The following HS6ST3 variants were observed in gnomAD, a reference collection of about 807,000 sequenced individuals.
HS6ST3 encodes the protein heparan sulfate 6-O-sulfotransferase 3.
In HS6ST3, 12 loss-of-function variants were observed where a neutral mutation model predicts 36.7. The ratio of observed to expected loss-of-function variants is 0.33; its 90% CI spans 0.21 to 0.53. HS6ST3 has a LOEUF of 0.53. Ranked by LOEUF, HS6ST3 falls within the 20% of genes least tolerant of loss-of-function variation. HS6ST3 has a pLI of 0.95. For missense variants in HS6ST3, 584 were observed against 640.9 expected, an observed-to-expected ratio of 0.91 and a Z score of 0.96; for synonymous variants, 240 against 257.5, an observed-to-expected ratio of 0.93 and a Z score of 0.65.
rs140196865 is a variant in HS6ST3, at chr13:96,619,851, GGTTGACA to G, written c.708-212634_708-212628del. ...CTTCCTTTTTGGGTAGGTTGGACAA[GGTTGACA>G]GTTGGCAGGCCCCAGCAACATATCA... On this transcript the variant is annotated intron_variant, in intron 1 of 1. Transcript: ENST00000376705. Among the ~76,000 whole-genome samples the G allele has an allele frequency of 2.8e-3, 421 of 152,276 alleles. 4 individuals carry two copies. The highest frequency in any genetic ancestry group is 9.5e-3 in the African/African-American group (394 of 41,560).
intron 1 of HS6ST3, among the ~76,000 whole-genome samples, chr13:96,176,494 G>A (rs2054213179): frequency 6.6e-6 from 1 of 151,856 alleles, no homozygotes; most frequent in Non-Finnish European, 1.5e-5. Context: ...CCAGACCTTA[G>A]GTACCTTGTA....
In HS6ST3 at chr13:96,611,099, CT is replaced by C. The variant is rs997125706; in HGVS notation, c.708-221384del. 4.0e-5 allele frequency among the ~76,000 whole-genome samples: 6 copies of C among 149,694 alleles called. No homozygotes were observed. In the East Asian group the frequency reaches 7.8e-4, roughly 19 times the overall value. ...TTTTTCCTTTTGTTTTCTTTATTTTCTTTTTTTATTTTTATTTTTTATTTTT... is the reference window on the plus strand; with the variant it reads ...TTTTTCCTTTTGTTTTCTTTATTTTCTTTTTTATTTTTATTTTTTATTTTT... On this transcript the variant is annotated intron_variant, in intron 1 of 1. Coordinates refer to ENST00000376705, the MANE Select transcript of HS6ST3 (RefSeq NM_153456.4).
intron 1 of HS6ST3, among the ~76,000 whole-genome samples, chr13:96,200,330 CT>C: frequency 6.6e-6 from 1 of 152,186 alleles, no homozygotes; most frequent in Non-Finnish European, 1.5e-5. Flanking sequence ...TCACTCTCCC[CT>C]ACTTTCTTGA....
chr13:96,351,132 C>G (rs1925110), intron 1 of HS6ST3, among the ~76,000 whole-genome samples: 1 of 151,630 alleles, frequency 6.6e-6, no homozygotes, highest in Non-Finnish European at 1.5e-5. Flanking sequence ...TTAAAGGTCA[C>G]GTAGCATTAA....
At chr13:96,233,141 G>A (rs1443563829) in intron 1 of HS6ST3, among the ~76,000 whole-genome samples, 2 of 151,924 alleles carry the variant, frequency 1.3e-5, no homozygotes, top group Non-Finnish European at 2.9e-5. Context: ...ATTGTAGTGT[G>A]GAAATATTTC....
chr13:96,457,897 T>C (rs2055761999), intron 1 of HS6ST3, among the ~76,000 whole-genome samples: 1 of 152,150 alleles, frequency 6.6e-6, no homozygotes, highest in African/African-American at 2.4e-5. Flanking sequence ...ACCTGTTTCA[T>C]TGAGTTTTTT....
intron 1 of HS6ST3, among the ~76,000 whole-genome samples, chr13:96,164,937 C>A (rs1323146883): frequency 6.6e-6 from 1 of 152,008 alleles, no homozygotes; most frequent in East Asian, 1.9e-4. Flanking sequence ...ATTTCATATT[C>A]TTTCTTTCTG....
At chr13:96,250,395 C>A (rs560669763) in intron 1 of HS6ST3, among the ~76,000 whole-genome samples, 1 of 152,278 alleles carries the variant, frequency 6.6e-6, no homozygotes, top group Admixed American at 6.5e-5. Flanking sequence ...GATGACATCA[C>A]CCTGCATTAC....
At chr13:96,694,758 G>T (rs1006816767) in intron 1 of HS6ST3, among the ~76,000 whole-genome samples, 1 of 151,990 alleles carries the variant, frequency 6.6e-6, no homozygotes, top group African/African-American at 2.4e-5. Context: ...GTATCTCATT[G>T]TGGCTTTGAT....
At chr13:96,725,215 T>C (rs1286209420) in intron 1 of HS6ST3, among the ~76,000 whole-genome samples, 1 of 152,198 alleles carries the variant, frequency 6.6e-6, no homozygotes, top group Non-Finnish European at 1.5e-5. Context: ...ATTTTTATTG[T>C]TTTTCATTTT....
chr13:96,291,571 TA>T (rs889745088), intron 1 of HS6ST3, among the ~76,000 whole-genome samples: 2 of 152,180 alleles, frequency 1.3e-5, no homozygotes, highest in African/African-American at 4.8e-5. Context: ...TTGATTTTAA[TA>T]AAAAACATGG....
intron 1 of HS6ST3, among the ~76,000 whole-genome samples, chr13:96,534,826 G>C (rs951179930): frequency 2.0e-5 from 3 of 152,188 alleles, no homozygotes; most frequent in African/African-American, 7.2e-5. Context: ...AGGCATGGTG[G>C]TGTGTGCCTA....
intron 1 of HS6ST3, among the ~76,000 whole-genome samples, chr13:96,137,834 AAT>A (rs1491014518): frequency 6.6e-6 from 1 of 152,186 alleles, no homozygotes; most frequent in African/African-American, 2.4e-5. Context: ...ATTTTTAAAG[AAT>A]GTTGAATTCT....
intron 1 of HS6ST3, among the ~76,000 whole-genome samples, chr13:96,176,541 CA>C (rs112198287): frequency 0.017 from 1,683 of 98,870 alleles, 29 homozygotes; most frequent in African/African-American, 0.057. Context: ...GTGGTCTTGC[CA>C]AAAAAAAAAA....
chr13:96,604,931 T>C (rs2056433843), intron 1 of HS6ST3, among the ~76,000 whole-genome samples: 1 of 152,176 alleles, frequency 6.6e-6, no homozygotes, highest in African/African-American at 2.4e-5. Flanking sequence ...ATAAGTAGAT[T>C]CTCTGAAATA....
At chr13:96,471,184 G>A (rs1227659795) in intron 1 of HS6ST3, among the ~76,000 whole-genome samples, 6 of 152,152 alleles carry the variant, frequency 3.9e-5, no homozygotes, top group African/African-American at 1.4e-4. Context: ...AGGGCATGGA[G>A]GACTGAGAAT....
intron 1 of HS6ST3, among the ~76,000 whole-genome samples, chr13:96,351,056 T>G (rs2055179180): frequency 6.6e-6 from 1 of 152,158 alleles, no homozygotes; most frequent in South Asian, 2.1e-4. Flanking sequence ...AGAACCATGT[T>G]TTTATCTATT....
intron 1 of HS6ST3, among the ~76,000 whole-genome samples, chr13:96,433,957 T>C (rs1488660239): frequency 2.7e-5 from 4 of 145,726 alleles, no homozygotes; most frequent in African/African-American, 1.0e-4. Flanking sequence ...AAAACAAAAC[T>C]TCTTTTCTTT....
At chr13:96,379,600 AT>A (rs2055331278) in intron 1 of HS6ST3, among the ~76,000 whole-genome samples, 1 of 152,170 alleles carries the variant, frequency 6.6e-6, no homozygotes, top group Admixed American at 6.5e-5. Context: ...CGGATTTTAC[AT>A]TTTCTGAAGC....
Sources: allele counts gnomAD v4.1 joint callset (sites outside exome capture counted in the v4.1 genomes callset), GRCh38; gene constraint gnomAD v4.1.1; transcripts MANE v1.5; gene names NCBI Gene and HGNC (gene_info 2026-07-23, HGNC 2026-07-21).